RAVER2: variants seen among roughly 807,000 people sequenced by gnomAD.
RAVER2 encodes the protein ribonucleoprotein, PTB binding 2, also known as ribonucleoprotein PTB-binding 2.
Under a neutral mutation model 78.1 loss-of-function variants are expected in RAVER2, and 46 were observed. That is an observed-to-expected ratio of 0.59 (90% CI 0.46 to 0.75). RAVER2 has a LOEUF of 0.75. RAVER2 is among the 30% of genes least tolerant of loss of function. The pLI is 0.00. For missense variants in RAVER2, 793 were observed against 837.5 expected (o/e 0.95, Z 0.66); for synonymous variants, 311 against 313.3 (o/e 0.99, Z 0.08).
chr1:64,789,301 G>T, intron 4 of RAVER2, 87 bp from the exon 5 acceptor site: 1 of 1,144,752 alleles, frequency 8.7e-7, no homozygotes, highest in Non-Finnish European at 1.2e-6. Context: ...CTTGTCAGAT[G>T]AATGAGGATT....
At chr1:64,778,036 G>A in exon 3 of RAVER2, 1 of 1,613,922 alleles carries the variant, frequency 6.2e-7, no homozygotes, top group Non-Finnish European at 8.5e-7. Context: ...TGACTACAGG[G>A]ATTCAGAAGA....
At chr1:64,823,424 C>T (rs1653932732) in intron 11 of RAVER2, among the ~76,000 whole-genome samples, 1 of 152,102 alleles carries the variant, frequency 6.6e-6, no homozygotes. Flanking sequence ...AAACTTAAAT[C>T]AGAAATAAAT....
chr1:64,789,492 A>G, exon 5 of RAVER2: 1 of 1,607,084 alleles, frequency 6.2e-7, no homozygotes, highest in Non-Finnish European at 8.5e-7. Context: ...AGCCCCAGTT[A>G]TGTGGACGAG....
At chr1:64,751,009 G>C (rs980579089) in intron 1 of RAVER2, among the ~76,000 whole-genome samples, 1 of 152,210 alleles carries the variant, frequency 6.6e-6, no homozygotes. Context: ...CTTGAAAAGT[G>C]TTTGAGAAAT....
At chr1:64,789,237 GA>G in intron 4 of RAVER2, 150 bp from the exon 5 acceptor site, 1 of 569,082 alleles carries the variant, frequency 1.8e-6, no homozygotes, top group Non-Finnish European at 2.6e-6. Flanking sequence ...CTGCAGTAGA[GA>G]GTATAAAATA....
chr1:64,780,569 T>C (rs181922473), intron 3 of RAVER2, among the ~76,000 whole-genome samples: 3 of 152,212 alleles, frequency 2.0e-5, no homozygotes, highest in African/African-American at 7.2e-5. Flanking sequence ...TGGAAATGTG[T>C]CTTCTCAAAG....
exon 12 of RAVER2, chr1:64,831,724 C>T (rs981447369): frequency 6.6e-6 from 1 of 152,188 alleles, no homozygotes; most frequent in Non-Finnish European, 1.5e-5. Context: ...TTTGTGCTGC[C>T]TGCAAGCTAA....
intron 6 of RAVER2, 141 bp from the exon 7 acceptor site, chr1:64,804,593 C>G: frequency 2.1e-6 from 1 of 482,152 alleles, no homozygotes; most frequent in East Asian, 3.4e-5. Context: ...TTAGCTTTGT[C>G]TGATAAGTTG....
chr1:64,820,714 C>T (rs1218065020), intron 11 of RAVER2, among the ~76,000 whole-genome samples: 1 of 152,214 alleles, frequency 6.6e-6, no homozygotes, highest in Non-Finnish European at 1.5e-5. Context: ...GCTTCCAGCT[C>T]TATCCATGTT....
intron 9 of RAVER2, among the ~76,000 whole-genome samples, 168 bp downstream of exon 9, chr1:64,807,642 A>T (rs2100878615): frequency 9.1e-6 from 1 of 110,234 alleles, no homozygotes; most frequent in East Asian, 3.0e-4. Context: ...AAAATCTGTT[A>T]TAAATAAAGC....
intron 1 of RAVER2, among the ~76,000 whole-genome samples, chr1:64,763,100 G>A (rs1382562120): frequency 6.6e-6 from 1 of 151,824 alleles, no homozygotes; most frequent in Non-Finnish European, 1.5e-5. Context: ...ATGAGGTCAG[G>A]CGATCGAGAC....
At chr1:64,817,917 T>G (rs1653793194) in intron 11 of RAVER2, among the ~76,000 whole-genome samples, 2 of 152,168 alleles carry the variant, frequency 1.3e-5, no homozygotes, top group Non-Finnish European at 2.9e-5. Flanking sequence ...AAAAACCTTG[T>G]GAGATTTAAA....
chr1:64,781,452 G>T lies in RAVER2; in HGVS notation c.859G>T (p.Glu287Ter), dbSNP rs1652624887. The change falls in exon 4 of 12, where the codon GAG becomes TAG. Residue 287 changes from glutamate to a stop codon, truncating the protein, a stop_gained. Coordinates refer to ENST00000294428, the Ensembl canonical transcript of RAVER2. LOFTEE classifies it high-confidence loss of function. ...ATATAGCACTGCGGAGCAGGCTGAAGAGGTCCAGCAGGCAGCAGACGGTAT... is the reference window on the plus strand; with the variant it reads ...ATATAGCACTGCGGAGCAGGCTGAATAGGTCCAGCAGGCAGCAGACGGTAT... 6.2e-7 allele frequency: 1 copy of T among 1,613,854 alleles called. No individual in the cohort carries two copies. Among genetic ancestry groups the T allele is most frequent in the African/African-American group, 1.3e-5 (1 of 74,936 alleles).
chr1:64,826,788 C>T (rs1654013360), intron 11 of RAVER2, among the ~76,000 whole-genome samples: 1 of 152,082 alleles, frequency 6.6e-6, no homozygotes, highest in Admixed American at 6.5e-5. Flanking sequence ...AAAATGCTGA[C>T]TTGGACAAGC....
At position 64,745,435 on chromosome 1, in the gene RAVER2, G is replaced by A; in HGVS notation, c.249+14G>A. ...AGCAACTGCCAGGTACTGGGACGGT[G>A]ATAGGGGCGACGCGTCCCGAGGGGC... On this transcript the variant is annotated intron_variant, in intron 1 of 11. Transcript: ENST00000294428. The surrounding 1 kb of genome is among the most constrained non-coding windows in gnomAD (Gnocchi z 4.3). 9 of 1,521,278 alleles carry A rather than the reference G, an allele frequency of 5.9e-6. No individual in the cohort carries two copies. Among genetic ancestry groups the A allele is most frequent in the Non-Finnish European group, 8.0e-6 (9 of 1,129,482 alleles). The allele number at this position is 1,521,278 out of a possible 1,614,324, so 94.2% of individuals were successfully genotyped here. A position where few individuals can be genotyped will look rare whatever the true frequency, so the allele number is the denominator to read the frequency against.
At chr1:64,769,733 C>T (rs1435404072) in intron 2 of RAVER2, among the ~76,000 whole-genome samples, 1 of 152,046 alleles carries the variant, frequency 6.6e-6, no homozygotes, top group South Asian at 2.1e-4. Context: ...ATGAGCAAAA[C>T]GTCCTTCCTT....
At chr1:64,799,703 A>C (rs1233583049) in intron 5 of RAVER2, among the ~76,000 whole-genome samples, 1 of 152,124 alleles carries the variant, frequency 6.6e-6, no homozygotes, top group Non-Finnish European at 1.5e-5. Flanking sequence ...AGCCTCCCAA[A>C]GTGCTGGGAT....
intron 2 of RAVER2, among the ~76,000 whole-genome samples, chr1:64,776,210 A>G (rs1652458957): frequency 6.6e-6 from 1 of 152,144 alleles, no homozygotes; most frequent in Admixed American, 6.5e-5. Flanking sequence ...ATGTCAGCAT[A>G]AGGAAAAAAG....
At chr1:64,825,019 C>G (rs2100902722) in intron 11 of RAVER2, among the ~76,000 whole-genome samples, 1 of 149,860 alleles carries the variant, frequency 6.7e-6, no homozygotes, top group Non-Finnish European at 1.5e-5. Context: ...AGGACTCAAC[C>G]ATTATTCATA....
Sources: gnomAD v4.1 joint callset for allele counts (sites outside exome capture counted in the v4.1 genomes callset) on GRCh38, gnomAD v4.1.1 for gene constraint, Gnocchi (gnomAD v3.1) non-coding constraint, MANE v1.5 for transcripts, NCBI Gene and HGNC (gene_info 2026-07-23, HGNC 2026-07-21) for gene names.